MTAP: variants seen among roughly 807,000 people sequenced by gnomAD.
MTAP encodes the protein methylthioadenosine phosphorylase.
MTAP carries 33 observed loss-of-function variants against 33.6 expected under a neutral mutation model. The observed-to-expected ratio is 0.98, with a 90% CI of 0.74 to 1.31. MTAP has a LOEUF of 1.31. Ranked by LOEUF, MTAP falls within the 40% of genes most tolerant of loss-of-function variation. MTAP has a pLI of 0.00. For synonymous variants in MTAP, 148 were observed against 125.7 expected, an observed-to-expected ratio of 1.18 and a Z score of -1.19; for missense variants, 367 against 360.0, an observed-to-expected ratio of 1.02 and a Z score of -0.16.
intron 1 of MTAP, among the ~76,000 whole-genome samples, chr9:21,919,232 A>G (rs1818744912): frequency 6.6e-6 from 1 of 152,210 alleles, no homozygotes; most frequent in Admixed American, 6.5e-5. Context: ...GCATATAAAA[A>G]TATGAATTAA....
chr9:21,854,201 T>G (rs1825580786), intron 5 of MTAP, among the ~76,000 whole-genome samples: 1 of 152,200 alleles, frequency 6.6e-6, no homozygotes, highest in East Asian at 1.9e-4. Flanking sequence ...AGCCTGGAAA[T>G]AGAACTCAAC....
At chr9:21,889,969 C>G (rs1460964699) in intron 1 of MTAP, among the ~76,000 whole-genome samples, 1 of 152,092 alleles carries the variant, frequency 6.6e-6, no homozygotes, top group Non-Finnish European at 1.5e-5. Context: ...TGTAACTATT[C>G]AGGTTTCTCA....
downstream of MTAP, chr9:21,932,981 A>G (rs1391387968): frequency 6.6e-6 from 1 of 152,180 alleles, no homozygotes; most frequent in Non-Finnish European, 1.5e-5. Flanking sequence ...TGCCTTATGA[A>G]ATTAGTCCCT....
At chr9:21,939,547 T>A (rs1819100663), downstream of MTAP, among the ~76,000 whole-genome samples, 1 of 152,142 alleles carries the variant, frequency 6.6e-6, no homozygotes. Context: ...GCAATATAGT[T>A]ATATGCATAA....
At chr9:21,925,776 C>G (rs1047800148) in intron 1 of MTAP, among the ~76,000 whole-genome samples, 7 of 152,148 alleles carry the variant, frequency 4.6e-5, no homozygotes, top group African/African-American at 1.7e-4. Context: ...CTGGACTGAA[C>G]ATTACTATTG....
At chr9:21,828,256 T>C (rs1824873160) in intron 4 of MTAP, among the ~76,000 whole-genome samples, 1 of 152,240 alleles carries the variant, frequency 6.6e-6, no homozygotes, top group African/African-American at 2.4e-5. Flanking sequence ...GTGCCTTTTG[T>C]GGGATCTTGC....
intron 3 of MTAP, among the ~76,000 whole-genome samples, 173 bp downstream of exon 3, chr9:21,816,945 G>GATC (rs1353634656): frequency 6.6e-6 from 1 of 152,112 alleles, no homozygotes; most frequent in Non-Finnish European, 1.5e-5. Context: ...ATTGACTTAG[G>GATC]AGATCAAAGA....
intron 4 of MTAP, among the ~76,000 whole-genome samples, chr9:21,831,601 T>C (rs746986161): frequency 1.3e-5 from 2 of 152,132 alleles, no homozygotes; most frequent in Non-Finnish European, 2.9e-5. Flanking sequence ...GTGCTGGGAT[T>C]ATAGGCATGA....
intron 1 of MTAP, chr9:21,803,020 A>ACACACG: frequency 9.2e-7 from 1 of 1,081,540 alleles, no homozygotes. Context: ...ACACACACAC[A>ACACACG]CACACACACA....
chr9:21,815,462 T>C lies in MTAP; in HGVS notation c.63T>C (p.Asp21=), dbSNP rs372187739. 11 of 1,611,420 alleles carry C rather than the reference T, an allele frequency of 6.8e-6. No individual in the cohort carries two copies. The highest frequency in any genetic ancestry group is 9.3e-6 in the Non-Finnish European group (11 of 1,178,598). Residue 21 remains aspartate (D), a synonymous_variant, in exon 2 of 8, where the codon GAT becomes GAC. Transcript: ENST00000644715. ...KIGIIGGTGL[D]DPEILEGRTE... ...GAATAATTGGTGGAACAGGCCTGGA[T>C]GATCCAGAAATTTTAGAAGGAAGAA...
chr9:21,940,908 C>A, downstream of MTAP: 2 of 632,680 alleles, frequency 3.2e-6, no homozygotes, highest in Non-Finnish European at 2.0e-6. Flanking sequence ...TGCCTTTCTT[C>A]CCCCAACCCC....
intron 1 of MTAP, among the ~76,000 whole-genome samples, chr9:21,904,209 G>T (rs1423534487): frequency 6.6e-6 from 1 of 152,162 alleles, no homozygotes; most frequent in African/African-American, 2.4e-5. Context: ...CTGCCTGTGT[G>T]TTCCTCTGCT....
chr9:21,871,300 C>T (rs1825933404), downstream of MTAP, among the ~76,000 whole-genome samples: 1 of 152,146 alleles, frequency 6.6e-6, no homozygotes, highest in African/African-American at 2.4e-5. Context: ...ATTAGCACAA[C>T]TCTTTGACCC....
At chr9:21,846,161 A>G (rs1200158511) in intron 5 of MTAP, among the ~76,000 whole-genome samples, 1 of 152,220 alleles carries the variant, frequency 6.6e-6, no homozygotes, top group African/African-American at 2.4e-5. Context: ...AAAATTCTAG[A>G]AAATAACATC....
intron 4 of MTAP, among the ~76,000 whole-genome samples, chr9:21,821,939 G>C (rs1418052762): frequency 1.3e-5 from 2 of 152,204 alleles, no homozygotes; most frequent in African/African-American, 4.8e-5. Context: ...AGTATGCTCT[G>C]ATGGTAGTTT....
At chr9:21,894,211 T>TAAA (rs60193324) in intron 1 of MTAP, among the ~76,000 whole-genome samples, 41 of 129,754 alleles carry the variant, frequency 3.2e-4, no homozygotes, top group East Asian at 9.1e-4. Context: ...CCTTTCATGT[T>TAAA]AAAAAAAAAA....
At chr9:21,843,435 A>G (rs1825301640) in intron 5 of MTAP, among the ~76,000 whole-genome samples, 1 of 152,198 alleles carries the variant, frequency 6.6e-6, no homozygotes, top group African/African-American at 2.4e-5. Flanking sequence ...TATATACCCA[A>G]CAACTGCAGA....
intron 5 of MTAP, among the ~76,000 whole-genome samples, chr9:21,842,682 A>ATAGTCTT: frequency 6.6e-6 from 1 of 152,328 alleles, no homozygotes; most frequent in African/African-American, 2.4e-5. Context: ...TGAAGGAGAG[A>ATAGTCTT]TAGTCTTTTT....
At chr9:21,833,309 A>G (rs142132014) in intron 4 of MTAP, among the ~76,000 whole-genome samples, 112 of 152,236 alleles carry the variant, frequency 7.4e-4, no homozygotes, top group Non-Finnish European at 1.2e-3. Context: ...CAGCCCCCCA[A>G]GTAGCTGGGA....
Sources: allele counts gnomAD v4.1 joint callset (sites outside exome capture counted in the v4.1 genomes callset), GRCh38; gene constraint gnomAD v4.1.1; transcripts MANE v1.5; gene names NCBI Gene and HGNC (gene_info 2026-07-23, HGNC 2026-07-21).